Variants in MYO1H observed in about 807,000 individuals in gnomAD.
The protein encoded by MYO1H is unconventional myosin-Ih.
MYO1H carries 118 observed loss-of-function variants against 149.3 expected under a neutral mutation model. That is an observed-to-expected ratio of 0.79 (90% CI 0.68 to 0.92). MYO1H has a LOEUF of 0.92. Ranked by LOEUF, MYO1H falls within the 40% of genes least tolerant of loss-of-function variation. MYO1H has a pLI of 0.00. For synonymous variants in MYO1H, 447 were observed against 465.2 expected (o/e 0.96, Z 0.50); for missense variants, 1,212 against 1,280.7 (o/e 0.95, Z 0.82).
At chr12:109,373,177 C>A (rs959323126) in intron 1 of MYO1H, among the ~76,000 whole-genome samples, 1 of 152,028 alleles carries the variant, frequency 6.6e-6, no homozygotes, top group Non-Finnish European at 1.5e-5. Flanking sequence ...AGATGCTTTT[C>A]TTCTCCAATG....
chr12:109,358,629 C>T (rs1868661293), intron 1 of MYO1H, among the ~76,000 whole-genome samples: 2 of 152,102 alleles, frequency 1.3e-5, no homozygotes, highest in African/African-American at 2.4e-5. Flanking sequence ...TTTATGAAAG[C>T]CAGTTCCTAT....
intron 26 of MYO1H, among the ~76,000 whole-genome samples, chr12:109,441,985 C>T (rs558799597): frequency 2.6e-5 from 4 of 152,092 alleles, no homozygotes; most frequent in Admixed American, 6.5e-5. Flanking sequence ...AGGCGGAGGA[C>T]GCAGTGAGCC....
the MYO1H span, among the ~76,000 whole-genome samples, chr12:109,340,974 G>A: frequency 6.6e-6 from 1 of 152,060 alleles, no homozygotes; most frequent in Non-Finnish European, 1.5e-5. Flanking sequence ...ATCACTTGAG[G>A]TCAGGAGTTC....
intron 13 of MYO1H, among the ~76,000 whole-genome samples, chr12:109,411,562 A>G (rs1447074901): frequency 6.6e-6 from 1 of 152,188 alleles, no homozygotes; most frequent in East Asian, 1.9e-4. Flanking sequence ...GTCTGTACAC[A>G]TGGTAATCAT....
chr12:109,364,051 A>C (rs938415353), intron 1 of MYO1H, among the ~76,000 whole-genome samples: 30 of 151,458 alleles, frequency 2.0e-4, no homozygotes, highest in African/African-American at 7.0e-4. Context: ...AAATACAAAA[A>C]ATATGTTAGC....
chr12:109,410,076 TTTTG>T lies in MYO1H; in HGVS notation c.1329+9_1329+12del. ...GAAATGGAAGGCATAGAGGTAAACA[TTTTG>T]ATGTTTTCTCCTCATCTGATTTCTT... On this transcript the variant is annotated intron_variant, in intron 12 of 31. Coordinates refer to ENST00000310903, the Ensembl canonical transcript of MYO1H. The T allele has an allele frequency of 1.4e-6, 2 of 1,389,840 alleles. No homozygotes were observed. The highest frequency in any genetic ancestry group is 1.9e-6 in the Non-Finnish European group (2 of 1,035,416). 86.1% of individuals were successfully genotyped at this position (1,389,840 alleles called of 1,614,324 possible).
At chr12:109,442,948 G>A (rs998867679) in intron 27 of MYO1H, among the ~76,000 whole-genome samples, 2 of 149,338 alleles carry the variant, frequency 1.3e-5, no homozygotes, top group Non-Finnish European at 1.5e-5. Flanking sequence ...AGAGGGCAAC[G>A]CAGGTAGGCA....
chr12:109,379,377 G>T (rs1869152816), intron 1 of MYO1H, among the ~76,000 whole-genome samples: 1 of 152,190 alleles, frequency 6.6e-6, no homozygotes, highest in African/African-American at 2.4e-5. Flanking sequence ...CAGTTGTTGG[G>T]TGCAACGGTC....
chr12:109,410,402 A>G (rs888313460), intron 12 of MYO1H, among the ~76,000 whole-genome samples: 3 of 152,100 alleles, frequency 2.0e-5, no homozygotes, highest in African/African-American at 7.2e-5. Context: ...TCAACCTCCC[A>G]AAGTACTGGG....
At chr12:109,314,837 C>T in the MYO1H span, among the ~76,000 whole-genome samples, 6 of 152,190 alleles carry the variant, frequency 3.9e-5, no homozygotes, top group Admixed American at 6.5e-5. Context: ...GCTGGGCTCA[C>T]ACCTGTAATC....
chr12:109,409,243 CTTCTTTTTTTTTTTT>C (rs1383302633), intron 10 of MYO1H, among the ~76,000 whole-genome samples: 4 of 59,072 alleles, frequency 6.8e-5, no homozygotes, highest in African/African-American at 1.7e-4. Flanking sequence ...TCTTCTTCTT[CTTCTTTTTTTTTTTT>C]TTTTTTTTTT....
chr12:109,377,508 C>T (rs570675748), intron 1 of MYO1H, among the ~76,000 whole-genome samples: 52 of 152,254 alleles, frequency 3.4e-4, no homozygotes, highest in Non-Finnish European at 1.5e-5. Flanking sequence ...GAGCCTATGA[C>T]CCAAGCACCT....
intron 1 of MYO1H, among the ~76,000 whole-genome samples, chr12:109,355,824 C>G (rs1294966062): frequency 2.0e-5 from 3 of 151,454 alleles, no homozygotes; most frequent in African/African-American, 7.3e-5. Context: ...ACTCCTGCCT[C>G]AGCCTCCCAA....
chr12:109,392,359 C>T (rs976189995), intron 2 of MYO1H, among the ~76,000 whole-genome samples: 4 of 152,184 alleles, frequency 2.6e-5, no homozygotes, highest in African/African-American at 9.6e-5. Flanking sequence ...GCCTGAAATG[C>T]CCTTCCTGCC....
At chr12:109,393,220 C>T in intron 2 of MYO1H, 111 bp from the exon 3 acceptor site, 1 of 704,144 alleles carries the variant, frequency 1.4e-6, no homozygotes, top group Non-Finnish European at 2.5e-6. Context: ...GAGACCCCGC[C>T]TGATTTATCA....
At chr12:109,435,422 A>C (rs6606717) in intron 21 of MYO1H, among the ~76,000 whole-genome samples, 89,154 of 152,052 alleles carry the variant, frequency 0.59, 27,116 homozygotes, top group African/African-American at 0.75. Flanking sequence ...ATTAAAGTTT[A>C]CAAAACTTCA....
chr12:109,407,683 G>A, intron 9 of MYO1H, 111 bp from the exon 10 acceptor site: 2 of 1,188,802 alleles, frequency 1.7e-6, no homozygotes, highest in East Asian at 2.6e-5. Flanking sequence ...GGGCAGCAGA[G>A]CGAGACCCTG....
the MYO1H span, among the ~76,000 whole-genome samples, chr12:109,337,330 A>G: frequency 6.6e-6 from 1 of 152,216 alleles, no homozygotes; most frequent in Non-Finnish European, 1.5e-5. Context: ...ACTCCCGGGG[A>G]ACCATGCAGA....
At chr12:109,311,065 G>C in the MYO1H span, among the ~76,000 whole-genome samples, 1 of 152,214 alleles carries the variant, frequency 6.6e-6, no homozygotes, top group Non-Finnish European at 1.5e-5. Context: ...AAGGAAACGT[G>C]GGTGACTTGA....
Sources: allele counts gnomAD v4.1 joint callset (sites outside exome capture counted in the v4.1 genomes callset), GRCh38; gene constraint gnomAD v4.1.1; transcripts MANE v1.5; gene names NCBI Gene and HGNC (gene_info 2026-07-23, HGNC 2026-07-21).